The following CGNL1 variants were observed in gnomAD, a reference collection of about 807,000 sequenced individuals.
CGNL1 encodes the protein cingulin like 1.
CGNL1 carries 132 observed loss-of-function variants against 141.2 expected under a neutral mutation model. That is an observed-to-expected ratio of 0.93 (90% CI 0.81 to 1.08). The LOEUF (loss-of-function observed/expected upper bound fraction) is 1.08, where lower values mean the gene tolerates loss of function less well. CGNL1 is among the 50% of genes least tolerant of loss of function. The pLI is 0.00. For synonymous variants in CGNL1, 690 were observed against 622.1 expected (o/e 1.11, Z -1.63); for missense variants, 1,870 against 1,588.6 (o/e 1.18, Z -3.01).
At chr15:57,524,955 G>C (rs1444588996) in intron 12 of CGNL1, among the ~76,000 whole-genome samples, 1 of 152,138 alleles carries the variant, frequency 6.6e-6, no homozygotes, top group Non-Finnish European at 1.5e-5. Context: ...AGGCTAAATG[G>C]ACACAGCTTT....
At chr15:57,430,611 G>A (rs142426818) in intron 1 of CGNL1, among the ~76,000 whole-genome samples, 5 of 152,292 alleles carry the variant, frequency 3.3e-5, no homozygotes, top group African/African-American at 4.8e-5. Context: ...ACAGGGAAAC[G>A]AGGCGGGTAG....
At chr15:57,512,709 A>C (rs1038004239) in intron 8 of CGNL1, among the ~76,000 whole-genome samples, 1 of 152,202 alleles carries the variant, frequency 6.6e-6, no homozygotes, top group East Asian at 1.9e-4. Flanking sequence ...GCCCCAATCC[A>C]GGTTAAATCA....
intron 8 of CGNL1, among the ~76,000 whole-genome samples, chr15:57,473,597 G>T (rs1163122944): frequency 6.6e-6 from 1 of 152,114 alleles, no homozygotes; most frequent in Non-Finnish European, 1.5e-5. Context: ...TGTGACTTCC[G>T]TTGCTTGATC....
chr15:57,499,240 T>C (rs1189225205), intron 8 of CGNL1, among the ~76,000 whole-genome samples: 10 of 36,618 alleles, frequency 2.7e-4, no homozygotes, highest in African/African-American at 7.8e-4. Context: ...GTTAATGGCT[T>C]TTTTTTTTTT....
chr15:57,396,925 AG>A (rs1455741817), intron 1 of CGNL1: 2 of 152,062 alleles, frequency 1.3e-5, no homozygotes, highest in Non-Finnish European at 2.9e-5. Context: ...GCCCTCTAGG[AG>A]TTTATAGTCC....
intron 1 of CGNL1, among the ~76,000 whole-genome samples, chr15:57,408,969 A>G (rs1315999119): frequency 6.6e-6 from 1 of 151,114 alleles, no homozygotes. Flanking sequence ...TGAACTCGGG[A>G]GGTGGAGGTT....
chr15:57,481,242 T>C (rs1465104879), intron 8 of CGNL1, among the ~76,000 whole-genome samples: 1 of 152,138 alleles, frequency 6.6e-6, no homozygotes, highest in African/African-American at 2.4e-5. Context: ...TATAGTACAA[T>C]AGCATGACCA....
intron 8 of CGNL1, chr15:57,477,378 C>T (rs1015952108): frequency 6.6e-6 from 1 of 152,176 alleles, no homozygotes; most frequent in Admixed American, 6.5e-5. Context: ...TAGATGCTAG[C>T]AAACTTCGTT....
At chr15:57,537,672 A>G (rs1295070757) in intron 14 of CGNL1, among the ~76,000 whole-genome samples, 1 of 152,158 alleles carries the variant, frequency 6.6e-6, no homozygotes, top group African/African-American at 2.4e-5. Context: ...CTGGCTTTCC[A>G]TTAACCCAAA....
At chr15:57,487,684 A>G (rs542913650) in intron 8 of CGNL1, among the ~76,000 whole-genome samples, 47 of 152,194 alleles carry the variant, frequency 3.1e-4, no homozygotes, top group Non-Finnish European at 5.7e-4. Flanking sequence ...AGCTTTGTAG[A>G]TTGTGCTGTT....
intron 4 of CGNL1, among the ~76,000 whole-genome samples, chr15:57,449,292 C>T (rs1371399219): frequency 1.3e-5 from 2 of 152,234 alleles, no homozygotes; most frequent in African/African-American, 4.8e-5. Flanking sequence ...TCTCCTCTCT[C>T]ATACCCTGAC....
chr15:57,512,014 T>G (rs2030353001), intron 8 of CGNL1, among the ~76,000 whole-genome samples: 1 of 152,228 alleles, frequency 6.6e-6, no homozygotes, highest in Non-Finnish European at 1.5e-5. Context: ...GCCAGCAACT[T>G]CAATGACTTT....
At chr15:57,529,841 TTATATC>T (rs2031854300) in intron 13 of CGNL1, among the ~76,000 whole-genome samples, 1 of 152,198 alleles carries the variant, frequency 6.6e-6, no homozygotes, top group African/African-American at 2.4e-5. Context: ...TAGTAGCTGT[TTATATC>T]TAGGGAGTGT....
At chr15:57,420,324 G>A (rs1474132313) in intron 1 of CGNL1, among the ~76,000 whole-genome samples, 1 of 152,182 alleles carries the variant, frequency 6.6e-6, no homozygotes, top group Non-Finnish European at 1.5e-5. Flanking sequence ...AAACATAGAT[G>A]TGTACACTAG....
At chr15:57,528,937 C>A in intron 13 of CGNL1, 122 bp downstream of exon 13, 1 of 1,031,088 alleles carries the variant, frequency 9.7e-7, no homozygotes, top group Non-Finnish European at 1.4e-6. Flanking sequence ...TTCTCTCCCA[C>A]AGCTGGGTGT....
rs576794136 is a variant in CGNL1, at chr15:57,547,814, C to T, written c.*324C>T. On this transcript the variant is annotated 3_prime_UTR_variant, in exon 19 of 19. Transcript: ENST00000281282. ...TGCTGTCCCTGCCCCCTCATCACTC[C>T]CCCTGCCAAGACAAAGGGTCCAGAA... The T allele has an allele frequency of 7.1e-6, 2 of 281,834 alleles. No homozygotes were observed. The highest frequency in any genetic ancestry group is 2.2e-5 in the African/African-American group (1 of 45,602). The allele number at this position is 281,834 out of a possible 1,614,324, so 17.5% of individuals were successfully genotyped here. A position where few individuals can be genotyped will look rare whatever the true frequency, so the allele number is the denominator to read the frequency against.
At chr15:57,445,308 T>C (rs998354785) in intron 4 of CGNL1, among the ~76,000 whole-genome samples, 1 of 152,146 alleles carries the variant, frequency 6.6e-6, no homozygotes, top group Non-Finnish European at 1.5e-5. Flanking sequence ...GATGAGAAAA[T>C]GAACCAAGAC....
intron 1 of CGNL1, among the ~76,000 whole-genome samples, chr15:57,428,389 A>G (rs1385605330): frequency 6.6e-6 from 1 of 152,228 alleles, no homozygotes; most frequent in African/African-American, 2.4e-5. Context: ...GAGTTTACAC[A>G]TCTCTAAAGT....
chr15:57,530,332 G>T (rs2031878965), intron 13 of CGNL1, among the ~76,000 whole-genome samples: 1 of 152,186 alleles, frequency 6.6e-6, no homozygotes, highest in East Asian at 1.9e-4. Context: ...GCAATATTTA[G>T]CTATTTTCTC....
Sources: gnomAD v4.1 joint callset for allele counts (sites outside exome capture counted in the v4.1 genomes callset) on GRCh38, gnomAD v4.1.1 for gene constraint, MANE v1.5 for transcripts, NCBI Gene and HGNC (gene_info 2026-07-23, HGNC 2026-07-21) for gene names.